The following BCLAF1 variants were observed in gnomAD, a reference collection of about 807,000 sequenced individuals.
BCLAF1 encodes bcl-2-associated transcription factor 1.
A neutral mutation model predicts 99.5 loss-of-function variants in BCLAF1; 10 were observed. The ratio of observed to expected loss-of-function variants is 0.10; its 90% CI spans 0.06 to 0.17. The LOEUF (loss-of-function observed/expected upper bound fraction) is 0.17, where lower values mean the gene tolerates loss of function less well. Ranked by LOEUF, BCLAF1 falls within the 10% of genes least tolerant of loss-of-function variation. The probability of loss-of-function intolerance (pLI) is 1.00; values close to 1 mark genes in which losing one functional copy is unlikely to be tolerated. For missense variants in BCLAF1, 636 were observed against 1,105.8 expected (o/e 0.58, Z 6.02); for synonymous variants, 255 against 370.9 (o/e 0.69, Z 3.59).
At chr6:136,268,950 A>T in intron 9 of BCLAF1, 1 of 272,462 alleles carries the variant, frequency 3.7e-6, no homozygotes, top group Non-Finnish European at 6.0e-6. Flanking sequence ...ACCTGTGGTT[A>T]ACTCTTACCA....
intron 7 of BCLAF1, among the ~76,000 whole-genome samples, chr6:136,272,653 G>A (rs1385687765): frequency 1.3e-5 from 2 of 151,908 alleles, no homozygotes; most frequent in Non-Finnish European, 2.9e-5. Flanking sequence ...TACGTCCAGA[G>A]ATTAAGTTGT....
Position 136,269,435 on chromosome 6 carries a change from A to G in BCLAF1, c.2219+2T>C. 6.2e-7 allele frequency: 1 copy of G among 1,603,328 alleles called. No homozygotes were observed. Among genetic ancestry groups the G allele is most frequent in the Non-Finnish European group, 8.5e-7 (1 of 1,175,888 alleles). ...CCTATCTTAGTCAGTTTGAACAATT[A>G]CCTGTCATCTTTGTAAGATTTGTAT... On this transcript the variant is annotated splice_donor_variant, in intron 9 of 12. Coordinates refer to ENST00000531224, the MANE Select transcript of BCLAF1 (RefSeq NM_014739.3). LOFTEE classifies it high-confidence loss of function.
chr6:136,289,825 A>C lies in BCLAF1; in HGVS notation c.-227T>G, dbSNP rs765049114. ...ATAGAGCTACCTTCGACGCGCTAGC[A>C]CGTCTCCGTCACTTCCGATCTGGGG... On this transcript the variant is annotated 5_prime_UTR_variant, in exon 1 of 13. Coordinates refer to ENST00000531224, the MANE Select transcript of BCLAF1 (RefSeq NM_014739.3). 6.6e-6 allele frequency: 1 copy of C among 152,666 alleles called. No individual in the cohort carries two copies. The highest frequency in any genetic ancestry group is 1.5e-5 in the Non-Finnish European group (1 of 68,038). 9.5% of individuals were successfully genotyped at this position (152,666 alleles called of 1,614,324 possible).
In BCLAF1 at chr6:136,283,852, A is replaced by G. The variant is rs1012358043; in HGVS notation, c.-114-1165T>C. On this transcript the variant is annotated intron_variant, in intron 1 of 12. Transcript: ENST00000531224. ...CTATTAAGGGAAACACTAAAAAAGT[A>G]GCAAAGTCAAAAAGCCAAGCAAGAT... 3.9e-5 allele frequency among the ~76,000 whole-genome samples: 6 copies of G among 152,292 alleles called. No individual in the cohort carries two copies. The South Asian group carries it at 1.2e-3, about 32-fold the overall frequency.
At chr6:136,282,248 T>C (rs1784469584) in intron 2 of BCLAF1, among the ~76,000 whole-genome samples, 1 of 152,078 alleles carries the variant, frequency 6.6e-6, no homozygotes, top group Admixed American at 6.6e-5. Flanking sequence ...ACCTAAACAC[T>C]ACAGTAGAGA....
intron 6 of BCLAF1, chr6:136,273,987 A>C: frequency 8.0e-7 from 1 of 1,242,448 alleles, no homozygotes; most frequent in Non-Finnish European, 1.0e-6. Flanking sequence ...CACATGTCTC[A>C]TAACCAATCA....
At chr6:136,289,436 G>C (rs1167441726) in intron 1 of BCLAF1, among the ~76,000 whole-genome samples, 1 of 152,144 alleles carries the variant, frequency 6.6e-6, no homozygotes, top group African/African-American at 2.4e-5. Context: ...ATGCGCACGC[G>C]CACGGGAGGC....
Position 136,279,850 on chromosome 6 carries a change from G to C in BCLAF1, c.17C>G (p.Ser6Cys), listed in dbSNP as rs1274899644. 2 of 1,545,830 alleles carry C rather than the reference G, an allele frequency of 1.3e-6. No homozygotes were observed. The highest frequency in any genetic ancestry group is 1.8e-6 in the Non-Finnish European group (2 of 1,142,814). Residue 6 changes from serine to cysteine, a missense_variant, in exon 3 of 13, where the codon TCT becomes TGT. Coordinates refer to ENST00000531224, the MANE Select transcript of BCLAF1 (RefSeq NM_014739.3). ...CTTTGACCTTGAAGAATGTGATCTAGAATTGGAGCGACCCATTTCTTTTCT... is the reference window on the plus strand; with the variant it reads ...CTTTGACCTTGAAGAATGTGATCTACAATTGGAGCGACCCATTTCTTTTCT... MGRSN[S>C]RSHSSRSKSR... is the part of the protein sequence containing the mutation.
intron 1 of BCLAF1, among the ~76,000 whole-genome samples, chr6:136,289,021 C>G (rs1236954066): frequency 6.6e-6 from 1 of 152,198 alleles, no homozygotes; most frequent in Non-Finnish European, 1.5e-5. Flanking sequence ...CGCGCGCTCG[C>G]TTCAAAACAG....
rs1450334284 is a variant in BCLAF1, at chr6:136,256,916, G to C, written c.*4194C>G. ...TTGCTCTTCGCATTCCATGAAATTT[G>C]TAATCACTATGACAGTACCAAGCAA... On this transcript the variant is annotated 3_prime_UTR_variant, in exon 13 of 13. Coordinates refer to ENST00000531224, the MANE Select transcript of BCLAF1 (RefSeq NM_014739.3). 1 of 152,250 alleles carries C rather than the reference G, an allele frequency of 6.6e-6. No homozygotes were observed. Among genetic ancestry groups the C allele is most frequent in the African/African-American group, 2.4e-5 (1 of 41,434 alleles). 9.4% of individuals were successfully genotyped at this position (152,250 alleles called of 1,614,324 possible).
intron 7 of BCLAF1, among the ~76,000 whole-genome samples, chr6:136,272,686 C>A (rs1384127535): frequency 1.3e-5 from 2 of 151,966 alleles, no homozygotes; most frequent in Non-Finnish European, 2.9e-5. Flanking sequence ...AACGAAGAGA[C>A]AAAGTCAGGA....
chr6:136,277,275 T>C (rs143696108), intron 4 of BCLAF1, among the ~76,000 whole-genome samples: 220 of 152,344 alleles, frequency 1.4e-3, no homozygotes, highest in African/African-American at 5.1e-3. Context: ...TCATTAAATA[T>C]TGACAGCCAG....
chr6:136,277,753 A>C (rs1414909761), intron 4 of BCLAF1, 112 bp downstream of exon 4: 2 of 1,199,844 alleles, frequency 1.7e-6, no homozygotes, highest in Non-Finnish European at 1.1e-6. Flanking sequence ...AAGGAAGTCA[A>C]GAGTAAAAAC....
chr6:136,275,397 A>G, intron 6 of BCLAF1, 135 bp downstream of exon 6: 1 of 843,860 alleles, frequency 1.2e-6, no homozygotes, highest in Non-Finnish European at 1.7e-6. Flanking sequence ...CTATGAAACT[A>G]CTTTTCCAAG....
At chr6:136,280,815 A>G (rs551074070) in intron 2 of BCLAF1, among the ~76,000 whole-genome samples, 55 of 151,880 alleles carry the variant, frequency 3.6e-4, no homozygotes, top group African/African-American at 1.3e-3. Flanking sequence ...TGATTAGATT[A>G]TATCTTAGCC....
chr6:136,269,594 A>T lies in BCLAF1; in HGVS notation c.2062T>A (p.Cys688Ser), dbSNP rs773776954. ...TCATGCCGAAGGTCAGCAGAGTCACACCTTAATTTTTTATCTCCCTATAAA... is the reference window on the plus strand; with the variant it reads ...TCATGCCGAAGGTCAGCAGAGTCACTCCTTAATTTTTTATCTCCCTATAAA... ...ENQKGDKKLRCDSADLRHDID... is the reference protein window; with the variant it reads ...ENQKGDKKLRSDSADLRHDID... Residue 688 changes from cysteine (C) to serine (S), a missense_variant, in exon 9 of 13, where the codon TGT becomes AGT. Cys to Ser is a moderately radical substitution (Grantham distance 112, BLOSUM62 -1). Coordinates refer to ENST00000531224, the MANE Select transcript of BCLAF1 (RefSeq NM_014739.3). 1 of 1,595,282 alleles carries T rather than the reference A, an allele frequency of 6.3e-7. No individual in the cohort carries two copies. The highest frequency in any genetic ancestry group is 1.1e-5 in the South Asian group (1 of 87,230).
Position 136,260,984 on chromosome 6 carries a change from T to G in BCLAF1, c.*126A>C. On this transcript the variant is annotated 3_prime_UTR_variant, in exon 13 of 13. Transcript: ENST00000531224. ...GATATTTGAAGACTTAAAACAAAAT[T>G]TCTATAGACTACTTGCAAACAGTAA... The G allele has an allele frequency of 9.5e-7, 1 of 1,050,370 alleles. No individual in the cohort carries two copies. 65.1% of individuals were successfully genotyped at this position (1,050,370 alleles called of 1,614,324 possible).
At chr6:136,273,290 A>G (rs1428602616) in intron 6 of BCLAF1, 103 bp from the exon 7 acceptor site, 1 of 966,458 alleles carries the variant, frequency 1.0e-6, no homozygotes. Context: ...AATAAAAATA[A>G]GAAACCTAGC....
In BCLAF1 at chr6:136,279,833, T is replaced by C. The variant is rs764016592; in HGVS notation, c.34A>G (p.Arg12Gly). Residue 12 changes from arginine (R) to glycine (G), a missense_variant, in exon 3 of 13, where the codon AGG becomes GGG. Transcript: ENST00000531224. ...GRSNSRSHSS[R>G]SKSRSQSSSR... is the part of the protein sequence containing the mutation. ...CTAGACTGTGATCTAGACTTTGACCTTGAAGAATGTGATCTAGAATTGGAG... is the reference window on the plus strand; with the variant it reads ...CTAGACTGTGATCTAGACTTTGACCCTGAAGAATGTGATCTAGAATTGGAG... The C allele has an allele frequency of 1.3e-6, 2 of 1,565,032 alleles. No homozygotes were observed. Among genetic ancestry groups the C allele is most frequent in the Non-Finnish European group, 1.7e-6 (2 of 1,153,676 alleles).
Sources: allele counts gnomAD v4.1 joint callset (sites outside exome capture counted in the v4.1 genomes callset), GRCh38; gene constraint gnomAD v4.1.1; transcripts MANE v1.5; gene names NCBI Gene and HGNC (gene_info 2026-07-23, HGNC 2026-07-21).